DNM3: variants seen among roughly 807,000 people sequenced by gnomAD.
DNM3 encodes dynamin 3, also known as dynamin-3.
DNM3 carries 47 observed loss-of-function variants against 101.6 expected under a neutral mutation model. The observed-to-expected ratio is 0.46, with a 90% CI of 0.37 to 0.59. The LOEUF is 0.59. Ranked by LOEUF, DNM3 falls within the 20% of genes least tolerant of loss-of-function variation. DNM3 has a pLI of 0.00. For missense variants in DNM3, 849 were observed against 1,085.7 expected (o/e 0.78, Z 3.06); for synonymous variants, 385 against 387.9 (o/e 0.99, Z 0.09).
chr1:172,391,323 C>T (rs544844746), intron 20 of DNM3, among the ~76,000 whole-genome samples: 13 of 152,138 alleles, frequency 8.5e-5, no homozygotes, highest in African/African-American at 3.1e-4. Flanking sequence ...GGAGGGAAAT[C>T]CCGGGGAAGG....
At chr1:172,407,749 C>T (rs778972216) in intron 20 of DNM3, 23 bp from the exon 21 acceptor site, 4 of 1,609,646 alleles carry the variant, frequency 2.5e-6, no homozygotes, top group Admixed American at 3.3e-5. Flanking sequence ...TGTTTCTTTA[C>T]CTTTCTCTTT....
At chr1:172,389,524 A>C (rs9425590) in intron 20 of DNM3, among the ~76,000 whole-genome samples, 72,123 of 152,098 alleles carry the variant, frequency 0.47, 20,245 homozygotes, top group East Asian at 0.87. Context: ...TCTCACCTTC[A>C]TATACTTACA....
At chr1:171,909,552 A>G (rs763357786) in intron 1 of DNM3, among the ~76,000 whole-genome samples, 2 of 152,146 alleles carry the variant, frequency 1.3e-5, no homozygotes, top group Non-Finnish European at 2.9e-5. Context: ...TGAGTCTCTT[A>G]TAGATTAAAT....
At chr1:172,176,851 A>G (rs1016273768) in intron 14 of DNM3, among the ~76,000 whole-genome samples, 19 of 151,850 alleles carry the variant, frequency 1.3e-4, no homozygotes, top group Admixed American at 1.3e-3. Context: ...AACTCAAAAT[A>G]ATAGCAAGAT....
rs561004211 is a variant in DNM3, at chr1:172,382,668, C to A, written c.2058+3486C>A. Among the ~76,000 whole-genome samples, 76 of 152,226 alleles carry A rather than the reference C, an allele frequency of 5.0e-4. 1 individual carries two copies. Among genetic ancestry groups the A allele is most frequent in the Non-Finnish European group, 2.9e-5 (2 of 68,004 alleles). On this transcript the variant is annotated intron_variant, in intron 18 of 20. Transcript: ENST00000627582. ...TCTCCAACTAGAGGACTCCTACCCC[C>A]ACAGGGTATTCATGAGTTATTTTCC...
chr1:172,309,388 T>C (rs2064985606), intron 16 of DNM3: 1 of 152,252 alleles, frequency 6.6e-6, no homozygotes, highest in Non-Finnish European at 1.5e-5. Context: ...GCTTCACGTG[T>C]CTTTAAGACA....
At chr1:172,268,410 G>A (rs1031920410) in intron 15 of DNM3, among the ~76,000 whole-genome samples, 2 of 151,990 alleles carry the variant, frequency 1.3e-5, no homozygotes, top group African/African-American at 2.4e-5. Flanking sequence ...TTGTCATATG[G>A]TTCTGATCCT....
Position 172,038,426 on chromosome 1 carries a change from A to G in DNM3, c.957A>G (p.Pro319=), listed in dbSNP as rs377404194. 5 of 1,613,424 alleles carry G rather than the reference A, an allele frequency of 3.1e-6. No homozygotes were observed. The South Asian group carries it at 3.3e-5, about 11-fold the overall frequency. ...HEVEAYKNFK[P]EDPTRKTKAL... is the part of the protein sequence containing the mutation. ...TAGAAGCCTACAAAAATTTCAAACCAGAAGACCCAACAAGGAAGACCAAAG... is the reference window on the plus strand; with the variant it reads ...TAGAAGCCTACAAAAATTTCAAACCGGAAGACCCAACAAGGAAGACCAAAG... Residue 319 remains proline (P), a synonymous_variant, in exon 7 of 21, where the codon CCA becomes CCG. Transcript: ENST00000627582.
intron 14 of DNM3, among the ~76,000 whole-genome samples, chr1:172,157,547 C>T (rs937219459): frequency 6.6e-6 from 1 of 152,016 alleles, no homozygotes; most frequent in African/African-American, 2.4e-5. Flanking sequence ...ACAGTTGACC[C>T]TCTGAATTCC....
At chr1:172,217,138 C>G (rs1350229943) in intron 14 of DNM3, among the ~76,000 whole-genome samples, 1 of 152,100 alleles carries the variant, frequency 6.6e-6, no homozygotes, top group Non-Finnish European at 1.5e-5. Flanking sequence ...CTATGAGCCA[C>G]ATAGTGGCAT....
At chr1:172,014,304 G>A (rs1003833309) in intron 4 of DNM3, among the ~76,000 whole-genome samples, 1 of 152,094 alleles carries the variant, frequency 6.6e-6, no homozygotes, top group Non-Finnish European at 1.5e-5. Flanking sequence ...ATCTATTTGG[G>A]TAAATACAAA....
intron 14 of DNM3, among the ~76,000 whole-genome samples, chr1:172,211,461 C>T (rs756360109): frequency 3.9e-5 from 6 of 152,136 alleles, no homozygotes; most frequent in Non-Finnish European, 8.8e-5. Flanking sequence ...ACCATTGCCA[C>T]AGGCGTGAAC....
chr1:172,018,858 A>G (rs1464468027), intron 4 of DNM3, among the ~76,000 whole-genome samples: 1 of 152,066 alleles, frequency 6.6e-6, no homozygotes, highest in Non-Finnish European at 1.5e-5. Flanking sequence ...CCTTTTCTCT[A>G]AAGAATTTCT....
intron 1 of DNM3, among the ~76,000 whole-genome samples, chr1:171,915,632 T>C (rs987945867): frequency 3.3e-5 from 5 of 152,186 alleles, no homozygotes; most frequent in African/African-American, 1.2e-4. Context: ...TAATGAACTG[T>C]AGAGATGTTT....
intron 13 of DNM3, among the ~76,000 whole-genome samples, chr1:172,099,585 A>C (rs2147867964): frequency 1.3e-5 from 2 of 152,292 alleles, no homozygotes; most frequent in East Asian, 3.9e-4. Flanking sequence ...AAAAAAGACA[A>C]AAAAAGATGA....
At chr1:171,999,180 G>A (rs189148597) in intron 4 of DNM3, among the ~76,000 whole-genome samples, 6 of 152,212 alleles carry the variant, frequency 3.9e-5, no homozygotes, top group Admixed American at 3.3e-4. Flanking sequence ...CTATCAGAGA[G>A]GTCCAGTAGG....
intron 4 of DNM3, among the ~76,000 whole-genome samples, chr1:172,025,831 A>C (rs2048168308): frequency 6.6e-6 from 1 of 152,198 alleles, no homozygotes. Flanking sequence ...AAGGTAGATA[A>C]ATCTATGAAG....
At chr1:172,282,879 G>T (rs909120680) in intron 15 of DNM3, among the ~76,000 whole-genome samples, 4 of 152,162 alleles carry the variant, frequency 2.6e-5, no homozygotes, top group African/African-American at 9.7e-5. Flanking sequence ...TCAGGCACAT[G>T]GACAGCTTAT....
intron 1 of DNM3, among the ~76,000 whole-genome samples, chr1:171,909,763 A>G (rs944161429): frequency 1.3e-3 from 198 of 152,312 alleles, no homozygotes; most frequent in African/African-American, 4.4e-3. Context: ...TGGTTTTGTT[A>G]CTTGAAATTA....
Sources: allele counts gnomAD v4.1 joint callset (sites outside exome capture counted in the v4.1 genomes callset), GRCh38; gene constraint gnomAD v4.1.1; transcripts MANE v1.5; gene names NCBI Gene and HGNC (gene_info 2026-07-23, HGNC 2026-07-21).